Variants in C9 observed in about 807,000 individuals in gnomAD.
The protein encoded by C9 is complement C9.
A neutral mutation model predicts 65.4 loss-of-function variants in C9; 63 were observed. That is an observed-to-expected ratio of 0.96 (90% CI 0.79 to 1.19). The LOEUF (loss-of-function observed/expected upper bound fraction) is 1.19. Among genes scored for constraint, C9 ranks in the 50% most tolerant of loss-of-function variants. C9 has a pLI of 0.00. For synonymous variants in C9, 229 were observed against 227.9 expected, an observed-to-expected ratio of 1.00 and a Z score of -0.04; for missense variants, 744 against 670.1, an observed-to-expected ratio of 1.11 and a Z score of -1.22.
At position 39,285,037 on chromosome 5, in the gene C9, TA is replaced by T. The variant is rs943090477; in HGVS notation, c.*161del. The T allele has an allele frequency of 5.4e-6, 3 of 551,466 alleles. No homozygotes were observed. Among genetic ancestry groups the T allele is most frequent in the African/African-American group, 3.8e-5 (2 of 52,628 alleles). The allele number at this position is 551,466 out of a possible 1,614,324, so 34.2% of individuals were successfully genotyped here. ...CACAGGAGTTTAAGGAAGAAAAATT[TA>T]AAAAAAAATTATAGACCTAAGAGAG... On this transcript the variant is annotated 3_prime_UTR_variant, in exon 11 of 11. Coordinates refer to ENST00000263408, the MANE Select transcript of C9 (RefSeq NM_001737.5).
At chr5:39,341,099 T>A (rs1754067896) in intron 4 of C9, 47 bp downstream of exon 4, 2 of 1,597,124 alleles carry the variant, frequency 1.3e-6, no homozygotes, top group South Asian at 1.1e-5. Context: ...GAGATGGAGA[T>A]CATTTTCACT....
intron 9 of C9, among the ~76,000 whole-genome samples, chr5:39,302,234 T>C (rs1186822723): frequency 6.6e-6 from 1 of 152,140 alleles, no homozygotes; most frequent in African/African-American, 2.4e-5. Context: ...CTTTTTCTGA[T>C]GAACTTTTAT....
Position 39,345,128 on chromosome 5 carries a change from A to G in C9, c.78-2932T>C, listed in dbSNP as rs534645155. Among the ~76,000 whole-genome samples, 4 of 152,276 alleles carry G rather than the reference A, an allele frequency of 2.6e-5. No individual in the cohort carries two copies. The South Asian group carries it at 6.2e-4, about 24-fold the overall frequency. On this transcript the variant is annotated intron_variant, in intron 1 of 10. Coordinates refer to ENST00000263408, the MANE Select transcript of C9 (RefSeq NM_001737.5). ...ACTGCATCAACTAATGAGCAAAATAACCAGCTATCATCATAATGACAGGAT... is the reference window on the plus strand; with the variant it reads ...ACTGCATCAACTAATGAGCAAAATAGCCAGCTATCATCATAATGACAGGAT...
chr5:39,332,186 AT>A, intron 4 of C9, among the ~76,000 whole-genome samples: 1 of 152,202 alleles, frequency 6.6e-6, no homozygotes. Context: ...TATTTAAATT[AT>A]TTGAGAACAG....
At chr5:39,316,099 C>T in intron 5 of C9, 70 bp from the exon 6 acceptor site, 1 of 1,326,238 alleles carries the variant, frequency 7.5e-7, no homozygotes, top group Non-Finnish European at 1.1e-6. Flanking sequence ...CAGAACAGAA[C>T]CAAAGAGAAG....
intron 9 of C9, among the ~76,000 whole-genome samples, chr5:39,303,638 A>T (rs1387418018): frequency 6.6e-6 from 1 of 151,926 alleles, no homozygotes; most frequent in Non-Finnish European, 1.5e-5. Flanking sequence ...CACTTAGAGT[A>T]AAACAGCAGG....
chr5:39,311,110 A>T (rs756432260), intron 7 of C9, 27 bp downstream of exon 7: 1 of 1,611,468 alleles, frequency 6.2e-7, no homozygotes. Flanking sequence ...ACAGTATTTG[A>T]AGTCAGAGCT....
chr5:39,300,940 C>T (rs1330938245), intron 9 of C9, among the ~76,000 whole-genome samples: 1 of 151,842 alleles, frequency 6.6e-6, no homozygotes, highest in Non-Finnish European at 1.5e-5. Context: ...TAATATTTTT[C>T]GTGTATTCCT....
chr5:39,359,088 A>G (rs28692191), intron 1 of C9, among the ~76,000 whole-genome samples: 6,551 of 109,280 alleles, frequency 0.06, 624 homozygotes, highest in East Asian at 0.2. Context: ...GTATATATAT[A>G]TGTGTGTGTG....
chr5:39,303,694 G>GA (rs1378796385), intron 9 of C9, among the ~76,000 whole-genome samples: 1 of 151,892 alleles, frequency 6.6e-6, no homozygotes, highest in Non-Finnish European at 1.5e-5. Flanking sequence ...GTAATATTGA[G>GA]AAAAAAATCA....
At chr5:39,338,655 C>G (rs952106097) in intron 4 of C9, among the ~76,000 whole-genome samples, 1 of 152,176 alleles carries the variant, frequency 6.6e-6, no homozygotes, top group Non-Finnish European at 1.5e-5. Context: ...TGGACTGATT[C>G]TATCAAGACC....
chr5:39,352,603 C>T (rs1481708393), intron 1 of C9, among the ~76,000 whole-genome samples: 1 of 152,176 alleles, frequency 6.6e-6, no homozygotes, highest in East Asian at 1.9e-4. Flanking sequence ...CAAAAATTTG[C>T]TGTTACAGTC....
chr5:39,319,695 G>A (rs1038478228), intron 5 of C9, among the ~76,000 whole-genome samples: 35 of 151,952 alleles, frequency 2.3e-4, no homozygotes, highest in African/African-American at 8.2e-4. Context: ...CAGCCTCTAG[G>A]GCCATCCCAG....
chr5:39,304,121 C>G (rs1324449085), intron 9 of C9, among the ~76,000 whole-genome samples: 1 of 152,036 alleles, frequency 6.6e-6, no homozygotes. Flanking sequence ...TTAACCCATT[C>G]ATTAGCGTAT....
At chr5:39,347,548 A>G (rs2111967399) in intron 1 of C9, among the ~76,000 whole-genome samples, 1 of 152,356 alleles carries the variant, frequency 6.6e-6, no homozygotes, top group African/African-American at 2.4e-5. Flanking sequence ...AGAACATTCC[A>G]TGCTCATGGA....
chr5:39,304,100 A>T (rs1362140251), intron 9 of C9, among the ~76,000 whole-genome samples: 1 of 152,120 alleles, frequency 6.6e-6, no homozygotes, highest in African/African-American at 2.4e-5. Context: ...CCAGAAATAC[A>T]CTACAGGAAC....
At chr5:39,340,894 C>A (rs887474105) in intron 4 of C9, among the ~76,000 whole-genome samples, 8 of 152,124 alleles carry the variant, frequency 5.3e-5, no homozygotes, top group Non-Finnish European at 1.2e-4. Context: ...CACTGAGAGA[C>A]AATTATCTAA....
At chr5:39,331,599 A>T in intron 5 of C9, 77 bp downstream of exon 5, 2 of 1,199,358 alleles carry the variant, frequency 1.7e-6, no homozygotes, top group South Asian at 1.2e-5. Flanking sequence ...AGTTTTTCAC[A>T]TTGTTTGGTA....
chr5:39,363,685 T>G (rs1052740333), intron 1 of C9, among the ~76,000 whole-genome samples: 1 of 152,172 alleles, frequency 6.6e-6, no homozygotes, highest in African/African-American at 2.4e-5. Context: ...GACCCTAACC[T>G]CCACCATTTC....
Sources: allele counts gnomAD v4.1 joint callset (sites outside exome capture counted in the v4.1 genomes callset), GRCh38; gene constraint gnomAD v4.1.1; transcripts MANE v1.5; gene names NCBI Gene and HGNC (gene_info 2026-07-23, HGNC 2026-07-21).